The following CMYA5 variants were observed in gnomAD, a reference collection of about 807,000 sequenced individuals.
CMYA5 encodes the protein cardiomyopathy associated 5.
Under a neutral mutation model 318.9 loss-of-function variants are expected in CMYA5, and 246 were observed. The observed-to-expected ratio is 0.77, with a 90% CI of 0.70 to 0.86. The LOEUF (loss-of-function observed/expected upper bound fraction) is 0.86. Among genes scored for constraint, CMYA5 ranks in the 40% least tolerant of loss-of-function variants. The pLI is 0.00. For missense variants in CMYA5, 4,589 were observed against 4,678.2 expected (o/e 0.98, Z 0.56); for synonymous variants, 1,641 against 1,729.5 (o/e 0.95, Z 1.27).
Position 79,733,978 on chromosome 5 carries a change from C to T in CMYA5, c.5213C>T (p.Pro1738Leu). The T allele has an allele frequency of 6.2e-7, 1 of 1,613,576 alleles. No homozygotes were observed. The highest frequency in any genetic ancestry group is 8.5e-7 in the Non-Finnish European group (1 of 1,179,820). ...GCCTCTGTAGCTGAAGGAGGCAACC[C>T]AGAAGAATTTCAGCCATTTACTTTT... Reference protein sequence around the residue: ...PPASVAEGGNPEEFQPFTFSL... With the variant: ...PPASVAEGGNLEEFQPFTFSL... Residue 1738 changes from proline (P) to leucine (L), a missense_variant, in exon 2 of 13, where the codon CCA (proline) becomes CTA (leucine). Coordinates refer to ENST00000446378, the MANE Select transcript of CMYA5 (RefSeq NM_153610.5).
intron 6 of CMYA5, among the ~76,000 whole-genome samples, chr5:79,753,587 A>AAACAAC (rs143793468): frequency 3.3e-5 from 5 of 151,526 alleles, no homozygotes; most frequent in African/African-American, 4.9e-5. Context: ...CCATGTCTAA[A>AAACAAC]AACAACAACA....
At position 79,753,366 on chromosome 5, in the gene CMYA5, A is replaced by G. The variant is rs1253541665; in HGVS notation, c.11110+572A>G. ...TTAATGTGCTATTTTAACAAACAGG[A>G]CAATGAAACTTATTTAGATTTTTCA... is the stretch of plus-strand genomic sequence containing the variant. On this transcript the variant is annotated intron_variant, in intron 6 of 12. Transcript: ENST00000446378. Among the ~76,000 whole-genome samples the G allele has an allele frequency of 5.9e-5, 9 of 152,330 alleles. No individual in the cohort carries two copies. The East Asian group carries it at 1.2e-3, about 20-fold the overall frequency.
At chr5:79,740,499 A>G (rs968199584) in intron 2 of CMYA5, among the ~76,000 whole-genome samples, 6 of 152,240 alleles carry the variant, frequency 3.9e-5, no homozygotes, top group African/African-American at 1.4e-4. Flanking sequence ...ATTGCAAGTT[A>G]TATGTAAATA....
Position 79,790,994 on chromosome 5 carries a change from A to T in CMYA5, c.11714A>T (p.Glu3905Val). The T allele has an allele frequency of 6.2e-7, 1 of 1,613,800 alleles. No individual in the cohort carries two copies. Among genetic ancestry groups the T allele is most frequent in the South Asian group, 1.1e-5 (1 of 91,036 alleles). Residue 3905 changes from glutamate to valine, a missense_variant, in exon 11 of 13, where the codon GAA becomes GTA. Glu to Val is a moderately radical substitution (Grantham distance 121). Around this residue, in one of 3 missense-constraint regions of CMYA5, gnomAD observed 2,431 missense variants for 2,495.1 expected, o/e 0.97. Transcript: ENST00000446378. ...TRGTRFLLLR[E>V]TAHPALHISS... ...GGAACCAGATTTCTCTTGTTGAGAG[A>T]AACAGCTCATCCTGCTCTACACATT...
chr5:79,771,791 T>C (rs752221633), intron 9 of CMYA5, among the ~76,000 whole-genome samples: 3 of 151,852 alleles, frequency 2.0e-5, no homozygotes, highest in Non-Finnish European at 4.4e-5. Context: ...GGGTATGGAG[T>C]CAGGATTCAA....
At position 79,729,495 on chromosome 5, in the gene CMYA5, T is replaced by G. The variant is rs763385104; in HGVS notation, c.730T>G (p.Phe244Val). Residue 244 changes from phenylalanine to valine, a missense_variant, in exon 2 of 13, where the codon TTT (phenylalanine) becomes GTT (valine). By Grantham distance (50) the Phe-to-Val change is conservative. Around this residue, in one of 3 missense-constraint regions of CMYA5, gnomAD observed 2,132 missense variants for 2,131.3 expected, o/e 1.00. Coordinates refer to ENST00000446378, the MANE Select transcript of CMYA5 (RefSeq NM_153610.5). ...TAAAGAAGAATTAATTCCTCTACAA[T>G]TTTATGGAACATTGCCAAAGGGTTA... ...SVKEELIPLQ[F>V]YGTLPKGYVI... The G allele has an allele frequency of 6.2e-7, 1 of 1,610,454 alleles. No individual in the cohort carries two copies. The highest frequency in any genetic ancestry group is 1.3e-5 in the African/African-American group (1 of 74,748).
intron 1 of CMYA5, among the ~76,000 whole-genome samples, chr5:79,692,746 A>T (rs993874944): frequency 6.6e-6 from 1 of 152,300 alleles, no homozygotes; most frequent in Non-Finnish European, 1.5e-5. Context: ...AGTTTCTTTT[A>T]TTCCATCAGA....
chr5:79,737,158 C>G lies in CMYA5; in HGVS notation c.8393C>G (p.Pro2798Arg). The change falls in exon 2 of 13, where the codon CCT becomes CGT. Residue 2798 changes from proline (P) to arginine (R), a missense_variant. Coordinates refer to ENST00000446378, the MANE Select transcript of CMYA5 (RefSeq NM_153610.5). Reference sequence around the variant, plus strand: ...GAATCCGAAAGGACTTTAGCTCGTCCTTTTGATGAAACTAAGAGCTCAGAA... The same window carrying G: ...GAATCCGAAAGGACTTTAGCTCGTCGTTTTGATGAAACTAAGAGCTCAGAA... ...SKESERTLAR[P>R]FDETKSSETP... is the part of the protein sequence containing the mutation. 1 of 1,612,814 alleles carries G rather than the reference C, an allele frequency of 6.2e-7. No homozygotes were observed. The highest frequency in any genetic ancestry group is 2.2e-5 in the East Asian group (1 of 44,850).
Position 79,752,687 on chromosome 5 carries a change from C to A in CMYA5, c.11003C>A (p.Ala3668Glu). The change falls in exon 6 of 13, where the codon GCA becomes GAA. Residue 3668 changes from alanine to glutamate, a missense_variant. Physicochemically the swap from Ala to Glu is moderately radical, Grantham distance 107. Around this residue, in one of 3 missense-constraint regions of CMYA5, gnomAD observed 2,431 missense variants for 2,495.1 expected, o/e 0.97. Coordinates refer to ENST00000446378, the MANE Select transcript of CMYA5 (RefSeq NM_153610.5). ...FEEINERLLSAMESTASLEKM... is the reference protein window; with the variant it reads ...FEEINERLLSEMESTASLEKM... ...CTATTCCCCGATAGGTTGCTTTCTGCAATGGAGAGCACTGCTTCTTTAGAG... is the reference window on the plus strand; with the variant it reads ...CTATTCCCCGATAGGTTGCTTTCTGAAATGGAGAGCACTGCTTCTTTAGAG... 1 of 1,611,988 alleles carries A rather than the reference C, an allele frequency of 6.2e-7. No homozygotes were observed. The highest frequency in any genetic ancestry group is 8.5e-7 in the Non-Finnish European group (1 of 1,178,466).
chr5:79,752,634 TTAA>T (rs1828450460), intron 5 of CMYA5, 39 bp from the exon 6 acceptor site: 2 of 1,409,020 alleles, frequency 1.4e-6, no homozygotes, highest in East Asian at 2.3e-5. Context: ...ATTCTGTATG[TTAA>T]TAATTTTTTA....
chr5:79,735,112 C>G lies in CMYA5; in HGVS notation c.6347C>G (p.Ala2116Gly). Residue 2116 changes from alanine (A) to glycine (G), a missense_variant, in exon 2 of 13, where the codon GCT (alanine) becomes GGT (glycine). Physicochemically the swap from Ala to Gly is moderately conservative, Grantham distance 60. Coordinates refer to ENST00000446378, the MANE Select transcript of CMYA5 (RefSeq NM_153610.5). ...GTTCAGTCAAAGGTTATTGATGATG[C>G]TGATGAGGGAAAGAAACCATCACCT... ...KMVQSKVIDD[A>G]DEGKKPSPEV... The G allele has an allele frequency of 3.1e-6, 5 of 1,613,776 alleles. No individual in the cohort carries two copies. The highest frequency in any genetic ancestry group is 4.2e-6 in the Non-Finnish European group (5 of 1,179,778).
Position 79,737,813 on chromosome 5 carries a change from G to T in CMYA5, c.9048G>T (p.Leu3016Phe). Residue 3016 changes from leucine to phenylalanine, a missense_variant, in exon 2 of 13, where the codon TTG (leucine) becomes TTT (phenylalanine). This residue lies in a region of CMYA5 where 2,431 missense variants were observed against 2,495.1 expected (regional missense o/e 0.97). Coordinates refer to ENST00000446378, the MANE Select transcript of CMYA5 (RefSeq NM_153610.5). ...SRLEDEKVTPLKENKQKETHK... is the reference protein window; with the variant it reads ...SRLEDEKVTPFKENKQKETHK... ...TAGAAGATGAAAAAGTTACCCCATT[G>T]AAAGAAAATAAACAAAAGGAAACTC... 6.2e-7 allele frequency: 1 copy of T among 1,606,670 alleles called. No homozygotes were observed. The highest frequency in any genetic ancestry group is 8.5e-7 in the Non-Finnish European group (1 of 1,178,216).
chr5:79,788,239 C>T (rs539308414), intron 9 of CMYA5, among the ~76,000 whole-genome samples: 23 of 148,172 alleles, frequency 1.6e-4, no homozygotes, highest in Non-Finnish European at 3.0e-4. Flanking sequence ...TTAATTCATG[C>T]TCTAGGCTAT....
intron 7 of CMYA5, among the ~76,000 whole-genome samples, chr5:79,760,016 T>C (rs1828616929): frequency 6.6e-6 from 1 of 152,200 alleles, no homozygotes; most frequent in African/African-American, 2.4e-5. Context: ...TTGCAACTTG[T>C]ACATGACCGG....
chr5:79,724,011 T>C (rs1442072932), intron 1 of CMYA5, among the ~76,000 whole-genome samples: 2 of 152,046 alleles, frequency 1.3e-5, no homozygotes, highest in African/African-American at 2.4e-5. Context: ...ATCATTTCCA[T>C]AGTTTCATAA....
At position 79,730,526 on chromosome 5, in the gene CMYA5, T is replaced by C; in HGVS notation, c.1761T>C (p.Ser587=). 1 of 1,613,964 alleles carries C rather than the reference T, an allele frequency of 6.2e-7. No individual in the cohort carries two copies. Among genetic ancestry groups the C allele is most frequent in the Non-Finnish European group, 8.5e-7 (1 of 1,179,872 alleles). The change falls in exon 2 of 13, where the codon TCT becomes TCC. Residue 587 remains serine (S), a synonymous_variant. Transcript: ENST00000446378. The stretch of plus-strand genomic sequence containing the variant: ...AGGAAGAAAGAGAGGAAATTGCATC[T>C]GTTTCTACTGGTTCTGCTTTTGTAT... The part of the protein sequence containing the change: ...LSEEEREEIA[S]VSTGSAFVSE...
In CMYA5 at chr5:79,733,254, C is replaced by A. The variant is rs1225876966; in HGVS notation, c.4489C>A (p.Leu1497Ile). 3.1e-6 allele frequency: 5 copies of A among 1,613,530 alleles called. No individual in the cohort carries two copies. Among genetic ancestry groups the A allele is most frequent in the Non-Finnish European group, 4.2e-6 (5 of 1,179,826 alleles). The change falls in exon 2 of 13, where the codon CTT (leucine) becomes ATT (isoleucine). Residue 1497 changes from leucine (L) to isoleucine (I), a missense_variant. This residue lies in a region of CMYA5 where 2,132 missense variants were observed against 2,131.3 expected (regional missense o/e 1.00). Coordinates refer to ENST00000446378, the MANE Select transcript of CMYA5 (RefSeq NM_153610.5). ...AGCAAGGGTAGAAGACAAACAAGAT[C>A]TTTTATTTTCTACAGTCTGTGACTC... Reference protein sequence around the residue: ...EEARVEDKQDLLFSTVCDSER... With the variant: ...EEARVEDKQDILFSTVCDSER...
chr5:79,701,880 C>T (rs954765643), intron 1 of CMYA5, among the ~76,000 whole-genome samples: 2 of 152,120 alleles, frequency 1.3e-5, no homozygotes, highest in Admixed American at 1.3e-4. Context: ...GTAATCCCAG[C>T]ACTTTGGGAG....
At chr5:79,705,702 T>C (rs1323690059) in intron 1 of CMYA5, among the ~76,000 whole-genome samples, 1 of 152,192 alleles carries the variant, frequency 6.6e-6, no homozygotes, top group African/African-American at 2.4e-5. Context: ...AAAGTCTTGA[T>C]CAATTTCAGT....
Sources: allele counts gnomAD v4.1 joint callset (sites outside exome capture counted in the v4.1 genomes callset), GRCh38; gene constraint gnomAD v4.1.1; regional missense constraint gnomAD v4.1.1; transcripts MANE v1.5; gene names NCBI Gene and HGNC (gene_info 2026-07-23, HGNC 2026-07-21).